PDGFC: variants seen among roughly 807,000 people sequenced by gnomAD.
PDGFC encodes the protein platelet-derived growth factor C.
Under a neutral mutation model 35.5 loss-of-function variants are expected in PDGFC, and 12 were observed. The observed-to-expected ratio is 0.34, with a 90% CI of 0.22 to 0.55. The LOEUF is 0.55. Ranked by LOEUF, PDGFC falls within the 20% of genes least tolerant of loss-of-function variation. The probability of loss-of-function intolerance (pLI) is 0.91; values close to 1 mark genes in which losing one functional copy is unlikely to be tolerated. For missense variants in PDGFC, 322 were observed against 412.4 expected, an observed-to-expected ratio of 0.78 and a Z score of 1.90; for synonymous variants, 159 against 148.8, an observed-to-expected ratio of 1.07 and a Z score of -0.50.
chr4:156,951,508 T>C (rs939905301), intron 1 of PDGFC, among the ~76,000 whole-genome samples: 2 of 151,750 alleles, frequency 1.3e-5, no homozygotes, highest in African/African-American at 2.4e-5. Context: ...CCTTTGAGAC[T>C]GACGCATGGG....
intron 1 of PDGFC, among the ~76,000 whole-genome samples, chr4:156,907,406 G>A (rs1212646287): frequency 1.3e-5 from 2 of 152,016 alleles, no homozygotes; most frequent in Admixed American, 1.3e-4. Context: ...GATACAAAGA[G>A]TTTACTTTAG....
rs147376353 is a variant in PDGFC at position 156,900,096 on chromosome 4, G to A, written c.119-49680C>T. ...GAATCAAAGATATGTGAAACTTAAA[G>A]TCTCATCCTCCTCATCTACCCAGTC... On this transcript the variant is annotated intron_variant, in intron 1 of 5. Transcript: ENST00000502773. 2.7e-3 allele frequency among the ~76,000 whole-genome samples: 407 copies of A among 152,230 alleles called. 4 individuals are homozygous for A. Among genetic ancestry groups the A allele is most frequent in the African/African-American group, 9.5e-3 (393 of 41,554 alleles).
At chr4:156,773,108 A>T (rs1730732511) in intron 3 of PDGFC, among the ~76,000 whole-genome samples, 1 of 152,206 alleles carries the variant, frequency 6.6e-6, no homozygotes, top group African/African-American at 2.4e-5. Context: ...AATTTTCATT[A>T]CCACCAACCG....
At chr4:156,803,784 G>T (rs1294659382) in intron 3 of PDGFC, among the ~76,000 whole-genome samples, 1 of 152,098 alleles carries the variant, frequency 6.6e-6, no homozygotes, top group African/African-American at 2.4e-5. Flanking sequence ...AATATTTCTT[G>T]ACAACTGGAA....
rs1186726816 is a variant in PDGFC, at chr4:156,761,638, C to A, written c.*1452G>T. The A allele has an allele frequency of 5.2e-5, 8 of 152,596 alleles. No individual in the cohort carries two copies. Among genetic ancestry groups the A allele is most frequent in the Admixed American group, 5.2e-4 (8 of 15,270 alleles). 9.5% of individuals were successfully genotyped at this position (152,596 alleles called of 1,614,324 possible). Reference sequence around the variant, plus strand: ...ATTTTCTCCCCAAAATAGCCACATTCTTTTATTTGATGATTCAATACATTT... The same window carrying A: ...ATTTTCTCCCCAAAATAGCCACATTATTTTATTTGATGATTCAATACATTT... On this transcript the variant is annotated 3_prime_UTR_variant, in exon 6 of 6. Transcript: ENST00000502773.
At chr4:156,824,538 TAGGATTAAATGCATTC>T (rs1560827778) in intron 2 of PDGFC, among the ~76,000 whole-genome samples, 2 of 151,870 alleles carry the variant, frequency 1.3e-5, no homozygotes, top group Non-Finnish European at 2.9e-5. Flanking sequence ...TTGTAACCCA[TAGGATTAAATGCATTC>T]ATGTATAAAA....
intron 1 of PDGFC, among the ~76,000 whole-genome samples, chr4:156,863,439 G>A (rs1213145491): frequency 6.6e-6 from 1 of 152,152 alleles, no homozygotes; most frequent in Non-Finnish European, 1.5e-5. Flanking sequence ...CCCACTGAGT[G>A]TAACTTTTTC....
chr4:156,790,720 G>T (rs542445947), intron 3 of PDGFC, among the ~76,000 whole-genome samples: 31 of 152,208 alleles, frequency 2.0e-4, no homozygotes, highest in African/African-American at 6.5e-4. Context: ...TATTTATTGA[G>T]ATTTTTTCAT....
chr4:156,958,761 T>C (rs1044932086), intron 1 of PDGFC, among the ~76,000 whole-genome samples: 2 of 152,060 alleles, frequency 1.3e-5, no homozygotes, highest in African/African-American at 4.8e-5. Context: ...TTTGGCACAA[T>C]CATCATACCC....
intron 5 of PDGFC, among the ~76,000 whole-genome samples, chr4:156,765,323 T>C (rs959715608): frequency 1.3e-5 from 2 of 152,136 alleles, no homozygotes; most frequent in African/African-American, 2.4e-5. Context: ...CTAATGTTCA[T>C]CTCAGAAAAT....
At chr4:156,865,481 G>A (rs1287314169) in intron 1 of PDGFC, among the ~76,000 whole-genome samples, 1 of 152,072 alleles carries the variant, frequency 6.6e-6, no homozygotes, top group Non-Finnish European at 1.5e-5. Context: ...TTAAAAGGAT[G>A]AATTTACTCC....
At chr4:156,930,476 T>C (rs1378011068) in intron 1 of PDGFC, among the ~76,000 whole-genome samples, 2 of 152,232 alleles carry the variant, frequency 1.3e-5, no homozygotes, top group Admixed American at 1.3e-4. Context: ...AAAGACATTT[T>C]ATTAAATAAG....
At chr4:156,843,363 C>T (rs1729250139) in intron 2 of PDGFC, among the ~76,000 whole-genome samples, 1 of 152,144 alleles carries the variant, frequency 6.6e-6, no homozygotes, top group Admixed American at 6.5e-5. Flanking sequence ...ATAAGCCACC[C>T]AGTTTATGGT....
chr4:156,776,502 G>T (rs1730834589), intron 3 of PDGFC, among the ~76,000 whole-genome samples: 1 of 152,236 alleles, frequency 6.6e-6, no homozygotes, highest in African/African-American at 2.4e-5. Context: ...AAAAGCTTCT[G>T]TGTTATCACC....
At chr4:156,801,213 C>G (rs1390678885) in intron 3 of PDGFC, among the ~76,000 whole-genome samples, 1 of 152,040 alleles carries the variant, frequency 6.6e-6, no homozygotes, top group African/African-American at 2.4e-5. Flanking sequence ...GATTTCCATG[C>G]CCCTATGACT....
At chr4:156,963,287 G>T (rs1478143710) in intron 1 of PDGFC, among the ~76,000 whole-genome samples, 1 of 151,924 alleles carries the variant, frequency 6.6e-6, no homozygotes, top group Non-Finnish European at 1.5e-5. Flanking sequence ...GGGCAACATA[G>T]TAAGACCCCC....
At chr4:156,828,332 C>T (rs1579039065) in intron 2 of PDGFC, among the ~76,000 whole-genome samples, 1 of 152,178 alleles carries the variant, frequency 6.6e-6, no homozygotes, top group South Asian at 2.1e-4. Context: ...ATGTCCTTTA[C>T]TTCTTAACAG....
At chr4:156,963,333 G>T (rs796422579) in intron 1 of PDGFC, among the ~76,000 whole-genome samples, 50 of 152,070 alleles carry the variant, frequency 3.3e-4, no homozygotes, top group African/African-American at 1.2e-3. Context: ...AGCAGGGAGT[G>T]GTGGCACACA....
intron 1 of PDGFC, among the ~76,000 whole-genome samples, chr4:156,913,525 T>C (rs1170482476): frequency 1.3e-5 from 2 of 152,212 alleles, no homozygotes; most frequent in African/African-American, 2.4e-5. Context: ...AATAAGTCTT[T>C]CAAAACAACT....
Sources: gnomAD v4.1 joint callset for allele counts (sites outside exome capture counted in the v4.1 genomes callset) on GRCh38, gnomAD v4.1.1 for gene constraint, MANE v1.5 for transcripts, NCBI Gene and HGNC (gene_info 2026-07-23, HGNC 2026-07-21) for gene names.